Variants in TSNAX observed in about 807,000 individuals in gnomAD.
The protein encoded by TSNAX is translin-associated protein X.
In TSNAX, 12 loss-of-function variants were observed where a neutral mutation model predicts 33.0. The ratio of observed to expected loss-of-function variants is 0.36; its 90% CI spans 0.23 to 0.59. TSNAX has a LOEUF of 0.59. Ranked by LOEUF, TSNAX falls within the 20% of genes least tolerant of loss-of-function variation. The probability of loss-of-function intolerance (pLI) is 0.74; values close to 1 mark genes in which losing one functional copy is unlikely to be tolerated. For synonymous variants in TSNAX, 110 were observed against 117.2 expected, an observed-to-expected ratio of 0.94 and a Z score of 0.40; for missense variants, 267 against 341.3, an observed-to-expected ratio of 0.78 and a Z score of 1.72.
chr1:231,562,517 G>A (rs111581636), intron 5 of TSNAX, among the ~76,000 whole-genome samples: 5 of 152,046 alleles, frequency 3.3e-5, no homozygotes, highest in African/African-American at 1.2e-4. Flanking sequence ...AAGAAGTAAA[G>A]TAGGTCTATT....
At chr1:231,560,670 A>G (rs1354952518) in intron 4 of TSNAX, among the ~76,000 whole-genome samples, 8 of 149,690 alleles carry the variant, frequency 5.3e-5, no homozygotes, top group Admixed American at 4.0e-4. Flanking sequence ...CGCCCACCTC[A>G]GCCTCCCAAA....
At chr1:231,547,389 C>CTTTTTTTTTT (rs71179784) in intron 4 of TSNAX, among the ~76,000 whole-genome samples, 103 of 104,686 alleles carry the variant, frequency 9.8e-4, no homozygotes, top group African/African-American at 1.3e-3. Flanking sequence ...TTTTTTTTTT[C>CTTTTTTTTTT]TTTTTTTTTT....
intron 4 of TSNAX, among the ~76,000 whole-genome samples, chr1:231,550,446 T>C (rs1029613734): frequency 6.6e-6 from 1 of 152,188 alleles, no homozygotes; most frequent in African/African-American, 2.4e-5. Context: ...GAACCAGGGA[T>C]ATAAACAGAT....
intron 3 of TSNAX, among the ~76,000 whole-genome samples, chr1:231,542,128 T>A (rs1411926017): frequency 6.6e-6 from 1 of 152,210 alleles, no homozygotes; most frequent in African/African-American, 2.4e-5. Flanking sequence ...TAGTCCAGTG[T>A]CTGTAACCAT....
chr1:231,544,586 A>G (rs1659784081), intron 4 of TSNAX, among the ~76,000 whole-genome samples: 1 of 152,250 alleles, frequency 6.6e-6, no homozygotes, highest in Non-Finnish European at 1.5e-5. Flanking sequence ...CAAGTTCCCC[A>G]AATATCTGTG....
chr1:231,557,730 T>A (rs375444359), intron 4 of TSNAX, among the ~76,000 whole-genome samples: 51 of 152,278 alleles, frequency 3.3e-4, no homozygotes, highest in African/African-American at 1.1e-3. Context: ...TCCCAGCTGG[T>A]ACTGAATCTT....
chr1:231,559,518 C>T (rs1387994958), intron 4 of TSNAX, among the ~76,000 whole-genome samples: 9 of 152,016 alleles, frequency 5.9e-5, no homozygotes, highest in Admixed American at 4.6e-4. Context: ...TTAGTAGAGA[C>T]GGGGTTTCAC....
intron 4 of TSNAX, among the ~76,000 whole-genome samples, chr1:231,544,851 G>A (rs1273327289): frequency 6.6e-6 from 1 of 152,202 alleles, no homozygotes; most frequent in East Asian, 1.9e-4. Context: ...TGGAAAGATA[G>A]GACATTAAGA....
At chr1:231,537,131 T>C in intron 2 of TSNAX, 82 bp from the exon 3 acceptor site, 1 of 1,054,438 alleles carries the variant, frequency 9.5e-7, no homozygotes, top group Admixed American at 2.2e-5. Context: ...GCACCCAGCA[T>C]ATGTGACGTA....
chr1:231,552,653 C>T (rs553670375), intron 4 of TSNAX, among the ~76,000 whole-genome samples: 14 of 152,192 alleles, frequency 9.2e-5, no homozygotes, highest in African/African-American at 3.4e-4. Context: ...TTACTGTTTC[C>T]ACAAGGTTAT....
chr1:231,531,776 A>C (rs924249796), intron 2 of TSNAX, among the ~76,000 whole-genome samples: 1 of 152,112 alleles, frequency 6.6e-6, no homozygotes, highest in African/African-American at 2.4e-5. Context: ...TGGAGTGAAA[A>C]GACTTGGGAA....
At chr1:231,555,966 A>G (rs149974394) in intron 4 of TSNAX, among the ~76,000 whole-genome samples, 1 of 152,354 alleles carries the variant, frequency 6.6e-6, no homozygotes, top group African/African-American at 2.4e-5. Context: ...TTTAAATTTC[A>G]TAGTTGCACA....
intron 3 of TSNAX, among the ~76,000 whole-genome samples, chr1:231,542,197 C>G (rs1268349465): frequency 2.0e-5 from 3 of 152,048 alleles, no homozygotes; most frequent in Non-Finnish European, 4.4e-5. Flanking sequence ...AAATCCAGTC[C>G]ACGTTACTCT....
intron 4 of TSNAX, among the ~76,000 whole-genome samples, chr1:231,543,262 G>C (rs1305469565): frequency 6.6e-6 from 1 of 151,494 alleles, no homozygotes; most frequent in African/African-American, 2.4e-5. Flanking sequence ...AAAGTGCTTG[G>C]TTCTTTCCTC....
At chr1:231,545,490 CAAAT>C (rs1015699905) in intron 4 of TSNAX, among the ~76,000 whole-genome samples, 1 of 151,664 alleles carries the variant, frequency 6.6e-6, no homozygotes, top group Non-Finnish European at 1.5e-5. Flanking sequence ...GATGGTTAAA[CAAAT>C]GAACAAATAA....
intron 4 of TSNAX, among the ~76,000 whole-genome samples, chr1:231,545,023 CT>C (rs1659812378): frequency 6.6e-6 from 1 of 152,068 alleles, no homozygotes; most frequent in Non-Finnish European, 1.5e-5. Context: ...TGTATCTTTT[CT>C]GTAAAAAGTC....
chr1:231,532,180 AC>A (rs1658793452), intron 2 of TSNAX, among the ~76,000 whole-genome samples: 1 of 95,994 alleles, frequency 1.0e-5, no homozygotes, highest in Non-Finnish European at 2.4e-5. Context: ...ACACACACAC[AC>A]ACACAGTTTT....
At chr1:231,541,756 A>G (rs747470116) in intron 3 of TSNAX, among the ~76,000 whole-genome samples, 6 of 152,284 alleles carry the variant, frequency 3.9e-5, no homozygotes, top group Admixed American at 1.3e-4. Flanking sequence ...GGCTCTGTGA[A>G]CTAAGGGGAT....
rs1341043819 is a variant in TSNAX, at chr1:231,544,117, G to A, written c.367+1506G>A. On this transcript the variant is annotated intron_variant, in intron 4 of 5. Coordinates refer to ENST00000366639, the MANE Select transcript of TSNAX (RefSeq NM_005999.3). Reference sequence around the variant, plus strand: ...CCTGCTATACATAAGTTAGGTATGCGTGTGTAATCTTGAGGGCTACTGGGT... The same window carrying A: ...CCTGCTATACATAAGTTAGGTATGCATGTGTAATCTTGAGGGCTACTGGGT... Among the ~76,000 whole-genome samples the A allele has an allele frequency of 1.4e-4, 21 of 152,182 alleles. 1 individual carries two copies. The highest frequency in any genetic ancestry group is 1.3e-3 in the Admixed American group (20 of 15,274).
Sources: allele counts gnomAD v4.1 joint callset (sites outside exome capture counted in the v4.1 genomes callset), GRCh38; gene constraint gnomAD v4.1.1; transcripts MANE v1.5; gene names NCBI Gene and HGNC (gene_info 2026-07-23, HGNC 2026-07-21).